The following SNX22 variants were observed in gnomAD, a reference collection of about 807,000 sequenced individuals.
SNX22 encodes sorting nexin-22.
A neutral mutation model predicts 24.7 loss-of-function variants in SNX22; 23 were observed. The ratio of observed to expected loss-of-function variants is 0.93; its 90% CI spans 0.67 to 1.32. The LOEUF is 1.32. Among genes scored for constraint, SNX22 ranks in the 40% most tolerant of loss-of-function variants. SNX22 has a pLI of 0.00. For missense variants in SNX22, 261 were observed against 249.9 expected, an observed-to-expected ratio of 1.04 and a Z score of -0.30; for synonymous variants, 99 against 104.0, an observed-to-expected ratio of 0.95 and a Z score of 0.29.
Position 64,157,024 on chromosome 15 carries a change from G to T in SNX22, c.*2516G>T. 1 of 1,090,720 alleles carries T rather than the reference G, an allele frequency of 9.2e-7. No individual in the cohort carries two copies. Among genetic ancestry groups the T allele is most frequent in the Non-Finnish European group, 1.3e-6 (1 of 758,762 alleles). The allele number at this position is 1,090,720 out of a possible 1,614,324, so 67.6% of individuals were successfully genotyped here. ...CCTCTGTGCCAGGCTAGGCTGGAGT[G>T]GACTACAAGGACATAAAAGCAGCGT... On this transcript the variant is annotated 3_prime_UTR_variant, in exon 7 of 7. Coordinates refer to ENST00000325881, the MANE Select transcript of SNX22 (RefSeq NM_024798.3). The surrounding 1 kb of genome is among the most constrained non-coding windows in gnomAD (Gnocchi z 4.2).
chr15:64,153,646 C>T lies in SNX22; in HGVS notation c.360-6C>T. 1 of 1,614,142 alleles carries T rather than the reference C, an allele frequency of 6.2e-7. No homozygotes were observed. Among genetic ancestry groups the T allele is most frequent in the South Asian group, 1.1e-5 (1 of 91,084 alleles). On this transcript the variant is annotated splice_polypyrimidine_tract_variant and splice_region_variant and intron_variant, in intron 4 of 6. Coordinates refer to ENST00000325881, the MANE Select transcript of SNX22 (RefSeq NM_024798.3). ...AGGCAGCTTACAGTGTTTCTCTTCT[C>T]TTCAGCACCCTGAGGGAGTTCCTGC...
rs1251768175 is a variant in SNX22 at position 64,155,849 on chromosome 15, A to G, written c.*1341A>G. On this transcript the variant is annotated 3_prime_UTR_variant, in exon 7 of 7. Coordinates refer to ENST00000325881, the MANE Select transcript of SNX22 (RefSeq NM_024798.3). ...AAAAAAAAAACCCACATTTTTTTTT[A>G]TTGGTCAGTGTTGGTAGGAGTTTGT... 3.6e-6 allele frequency: 3 copies of G among 839,186 alleles called. No individual in the cohort carries two copies. Among genetic ancestry groups the G allele is most frequent in the African/African-American group, 1.8e-5 (1 of 56,874 alleles). 52.0% of individuals were successfully genotyped at this position (839,186 alleles called of 1,614,324 possible). A position where few individuals can be genotyped will look rare whatever the true frequency, so the allele number is the denominator to read the frequency against.
intron 1 of SNX22, 38 bp from the exon 2 acceptor site, chr15:64,152,205 G>T: frequency 1.5e-6 from 2 of 1,373,990 alleles, no homozygotes; most frequent in Non-Finnish European, 1.9e-6. Flanking sequence ...CTCCCGCGGG[G>T]CCTCACGCGC....
intron 2 of SNX22, 40 bp from the exon 3 acceptor site, chr15:64,152,598 A>G: frequency 6.3e-7 from 1 of 1,583,080 alleles, no homozygotes; most frequent in Non-Finnish European, 8.7e-7. Flanking sequence ...TTGAGGGCTC[A>G]GTCGGGATGC....
rs1435684410 is a variant in SNX22 at position 64,151,751 on chromosome 15, C to G, written c.-25C>G. ...GAGTTAGGGCTCCGAGCCGAGCGCG[C>G]GGAGCAGCTGGGGCCGGGGCGCGGA... On this transcript the variant is annotated 5_prime_UTR_variant, in exon 1 of 7. Coordinates refer to ENST00000325881, the MANE Select transcript of SNX22 (RefSeq NM_024798.3). The G allele has an allele frequency of 2.0e-6, 3 of 1,522,272 alleles. No individual in the cohort carries two copies. The South Asian group carries it at 3.7e-5, about 19-fold the overall frequency. The allele number at this position is 1,522,272 out of a possible 1,614,324, so 94.3% of individuals were successfully genotyped here.
At position 64,156,785 on chromosome 15, in the gene SNX22, T is replaced by TGTC; in HGVS notation, c.*2280_*2282dup. On this transcript the variant is annotated 3_prime_UTR_variant, in exon 7 of 7. Coordinates refer to ENST00000325881, the MANE Select transcript of SNX22 (RefSeq NM_024798.3). The surrounding 1 kb of genome is among the most constrained non-coding windows in gnomAD (Gnocchi z 6.4). ...TGCCATCTAGCCAGGCTGTCTTGAC[T>TGTC]GTCGTGATGAAGAACTGGGAGCCGT... 6.2e-7 allele frequency: 1 copy of TGTC among 1,614,192 alleles called. No homozygotes were observed. The highest frequency in any genetic ancestry group is 8.5e-7 in the Non-Finnish European group (1 of 1,180,024).
At chr15:64,152,905 C>CCT in intron 3 of SNX22, 163 bp downstream of exon 3, 1 of 644,216 alleles carries the variant, frequency 1.6e-6, no homozygotes, top group Non-Finnish European at 2.7e-6. Context: ...CAAACACCCC[C>CCT]CTCTGGCTTG....
chr15:64,156,998 T>A lies in SNX22; in HGVS notation c.*2490T>A. On this transcript the variant is annotated 3_prime_UTR_variant, in exon 7 of 7. Coordinates refer to ENST00000325881, the MANE Select transcript of SNX22 (RefSeq NM_024798.3). This position sits in a 1 kb window ranked among gnomAD's most constrained non-coding sequence, Gnocchi z 6.4. ...GCCAGGACTGAGGGGGCTTAACCTG[T>A]CCTCTGTGCCAGGCTAGGCTGGAGT... 2.2e-6 allele frequency: 3 copies of A among 1,362,298 alleles called. No individual in the cohort carries two copies. Among genetic ancestry groups the A allele is most frequent in the Non-Finnish European group, 3.1e-6 (3 of 973,124 alleles). The allele number at this position is 1,362,298 out of a possible 1,614,324, so 84.4% of individuals were successfully genotyped here. A position where few individuals can be genotyped will look rare whatever the true frequency, so the allele number is the denominator to read the frequency against.
intron 2 of SNX22, 59 bp from the exon 3 acceptor site, chr15:64,152,579 G>A (rs2081494932): frequency 4.6e-6 from 7 of 1,521,434 alleles, no homozygotes; most frequent in Admixed American, 1.8e-5. Flanking sequence ...TGGCTGGGGC[G>A]AAGAGGGCTT....
Position 64,152,629 on chromosome 15 carries a change from C to T in SNX22, c.160-9C>T. On this transcript the variant is annotated splice_polypyrimidine_tract_variant and intron_variant, in intron 2 of 6. Transcript: ENST00000325881. ...GATGCTGTGATCGCACGCGGTAAAC[C>T]TCCAGTAGATCAAGAAGCTGTACAA... The T allele has an allele frequency of 6.2e-7, 1 of 1,613,522 alleles. No individual in the cohort carries two copies. Among genetic ancestry groups the T allele is most frequent in the Non-Finnish European group, 8.5e-7 (1 of 1,179,442 alleles).
At chr15:64,151,968 G>T in intron 1 of SNX22, 118 bp downstream of exon 1, 1 of 1,063,512 alleles carries the variant, frequency 9.4e-7, no homozygotes, top group Non-Finnish European at 1.3e-6. Flanking sequence ...CTGGACCGTC[G>T]GGGGAAACCT....
chr15:64,154,024 G>C (rs750094703), intron 6 of SNX22, 22 bp downstream of exon 6: 1 of 1,614,110 alleles, frequency 6.2e-7, no homozygotes, highest in Admixed American at 1.7e-5. Flanking sequence ...CCTAGATATG[G>C]GGCTACAGGG....
Position 64,156,088 on chromosome 15 carries a change from C to T in SNX22, c.*1580C>T. ...TTGCCGCAGTCTGCGATGATCACAT[C>T]CTTCAGGGGTTTATCCCGGCTGTCT... On this transcript the variant is annotated 3_prime_UTR_variant, in exon 7 of 7. Transcript: ENST00000325881. The surrounding 1 kb of genome is among the most constrained non-coding windows in gnomAD (Gnocchi z 6.4). The T allele has an allele frequency of 3.1e-6, 5 of 1,614,220 alleles. No homozygotes were observed. Among genetic ancestry groups the T allele is most frequent in the Non-Finnish European group, 4.2e-6 (5 of 1,180,054 alleles).
In SNX22 at chr15:64,156,165, G is replaced by A. The variant is rs754080129; in HGVS notation, c.*1657G>A. On this transcript the variant is annotated 3_prime_UTR_variant, in exon 7 of 7. Coordinates refer to ENST00000325881, the MANE Select transcript of SNX22 (RefSeq NM_024798.3). This position sits in a 1 kb window ranked among gnomAD's most constrained non-coding sequence, Gnocchi z 6.4. ...CACCTCCTGGAAAAGAAAGGTGGAA[G>A]CAGGAGGGCATGGTGGATCAGGAGG... The A allele has an allele frequency of 3.1e-6, 5 of 1,613,816 alleles. No individual in the cohort carries two copies. The African/African-American group carries it at 5.3e-5, about 17-fold the overall frequency.
chr15:64,151,919 G>T, intron 1 of SNX22, 69 bp downstream of exon 1: 1 of 1,415,276 alleles, frequency 7.1e-7, no homozygotes, highest in Non-Finnish European at 9.4e-7. Context: ...CGCTCAGTGG[G>T]GACCCGGGGC....
At chr15:64,153,555 C>T in intron 4 of SNX22, 97 bp from the exon 5 acceptor site, 1 of 1,547,618 alleles carries the variant, frequency 6.5e-7, no homozygotes, top group Non-Finnish European at 8.9e-7. Flanking sequence ...AAGCAGTGGT[C>T]CCCTGGGAGG....
At position 64,155,839 on chromosome 15, in the gene SNX22, A is replaced by ATTTTT; in HGVS notation, c.*1336_*1340dup. On this transcript the variant is annotated 3_prime_UTR_variant, in exon 7 of 7. Coordinates refer to ENST00000325881, the MANE Select transcript of SNX22 (RefSeq NM_024798.3). The stretch of plus-strand genomic sequence containing the variant: ...ATATATTAAAAAAAAAAAAACCCAC[A>ATTTTT]TTTTTTTTTATTGGTCAGTGTTGGT... The ATTTTT allele has an allele frequency of 2.5e-5, 19 of 775,508 alleles. No individual in the cohort carries two copies. Among genetic ancestry groups the ATTTTT allele is most frequent in the African/African-American group, 1.4e-4 (8 of 55,336 alleles). 48.0% of individuals were successfully genotyped at this position (775,508 alleles called of 1,614,324 possible).
chr15:64,151,939 G>A (rs542470684), intron 1 of SNX22, 89 bp downstream of exon 1: 2 of 1,290,084 alleles, frequency 1.6e-6, no homozygotes, highest in East Asian at 2.9e-5. Flanking sequence ...CCCGGGCCTG[G>A]GTGAACGAGC....
Position 64,153,307 on chromosome 15 carries a change from C to G in SNX22, c.327C>G (p.His109Gln), listed in dbSNP as rs915451973. The G allele has an allele frequency of 3.1e-6, 5 of 1,614,020 alleles. No individual in the cohort carries two copies. The highest frequency in any genetic ancestry group is 3.4e-6 in the Non-Finnish European group (4 of 1,179,996). The change falls in exon 4 of 7, where the codon CAC becomes CAG. Residue 109 changes from histidine (H) to glutamine (Q), a missense_variant. By Grantham distance (24) the His-to-Gln change is conservative. Transcript: ENST00000325881. The stretch of plus-strand genomic sequence containing the variant: ...TACTGGAATTCCTGAGACTTCGGCA[C>G]TTCCCCACAGACCCCAAGGCTAGCA... Reference protein sequence around the residue: ...KELLEFLRLRHFPTDPKASNW... With the variant: ...KELLEFLRLRQFPTDPKASNW...
Sources: gnomAD v4.1 joint callset for allele counts on GRCh38, gnomAD v4.1.1 for gene constraint, Gnocchi (gnomAD v3.1) non-coding constraint, MANE v1.5 for transcripts, NCBI Gene and HGNC (gene_info 2026-07-23, HGNC 2026-07-21) for gene names.